Variants in SPMIP2 observed in about 807,000 individuals in gnomAD.
SPMIP2 encodes sperm microtubule inner protein 2.
chr4:158,919,372 A>C, the SPMIP2 span, among the ~76,000 whole-genome samples: 2 of 152,206 alleles, frequency 1.3e-5, no homozygotes, highest in Admixed American at 1.3e-4. Flanking sequence ...ACCGTTTCTC[A>C]GTCTTCCTTT....
At chr4:158,983,733 C>A in the SPMIP2 span, among the ~76,000 whole-genome samples, 1 of 70,184 alleles carries the variant, frequency 1.4e-5, no homozygotes. Context: ...GAAACTGCAT[C>A]AACTAACGAG....
chr4:158,941,131 A>G, the SPMIP2 span, among the ~76,000 whole-genome samples: 1 of 152,206 alleles, frequency 6.6e-6, no homozygotes, highest in Non-Finnish European at 1.5e-5. Flanking sequence ...AAAAATGCAA[A>G]TGCACACGTA....
the SPMIP2 span, among the ~76,000 whole-genome samples, chr4:158,924,302 T>C: frequency 6.6e-6 from 1 of 152,240 alleles, no homozygotes; most frequent in Non-Finnish European, 1.5e-5. Flanking sequence ...TTGAGTGTTT[T>C]TCATCATGAA....
the SPMIP2 span, chr4:158,906,821 C>T: frequency 1.1e-4 from 17 of 152,182 alleles, no homozygotes; most frequent in African/African-American, 4.1e-4. Context: ...AAAAAAACCT[C>T]ACAGAATTGT....
chr4:159,050,139 A>G, the SPMIP2 span, among the ~76,000 whole-genome samples: 1 of 152,074 alleles, frequency 6.6e-6, no homozygotes, highest in African/African-American at 2.4e-5. Context: ...CATTAATCAA[A>G]CCAGTCTTTA....
the SPMIP2 span, among the ~76,000 whole-genome samples, chr4:158,921,119 G>A: frequency 2.0e-5 from 3 of 148,538 alleles, no homozygotes; most frequent in Non-Finnish European, 3.0e-5. Flanking sequence ...GCTGTCTCGT[G>A]ACAGAGTTCT....
the SPMIP2 span, among the ~76,000 whole-genome samples, chr4:158,914,904 G>A: frequency 6.6e-6 from 1 of 152,242 alleles, no homozygotes; most frequent in East Asian, 1.9e-4. Context: ...CACAGGGGTC[G>A]CCATTCTCTC....
At chr4:159,051,061 C>T in the SPMIP2 span, among the ~76,000 whole-genome samples, 3 of 150,790 alleles carry the variant, frequency 2.0e-5, no homozygotes, top group Non-Finnish European at 4.4e-5. Context: ...GAGCCAAGAT[C>T]GCGCCACTGC....
chr4:159,026,338 G>A, the SPMIP2 span: 1 of 651,838 alleles, frequency 1.5e-6, no homozygotes, highest in Non-Finnish European at 2.9e-6. Flanking sequence ...AGAGAAGTTT[G>A]AAGAAACTAC....
chr4:159,029,544 A>T, the SPMIP2 span, among the ~76,000 whole-genome samples: 1 of 152,230 alleles, frequency 6.6e-6, no homozygotes. Flanking sequence ...ATAAATTCCA[A>T]GATCCATCTG....
At chr4:159,007,571 C>T in the SPMIP2 span, 8 of 1,100,624 alleles carry the variant, frequency 7.3e-6, no homozygotes, top group African/African-American at 4.7e-5. Flanking sequence ...GGGTGAATGC[C>T]GTCAAAAGCA....
the SPMIP2 span, among the ~76,000 whole-genome samples, chr4:158,980,437 A>C: frequency 6.6e-6 from 1 of 152,222 alleles, no homozygotes; most frequent in Admixed American, 6.5e-5. Flanking sequence ...GTGTTGACAG[A>C]CACCTTGTAG....
the SPMIP2 span, among the ~76,000 whole-genome samples, chr4:158,912,912 C>T: frequency 1.3e-5 from 2 of 152,146 alleles, no homozygotes; most frequent in South Asian, 2.1e-4. Flanking sequence ...TGGGTTAAAC[C>T]GACCTCAGGT....
the SPMIP2 span, among the ~76,000 whole-genome samples, chr4:159,014,816 T>TA: frequency 0.012 from 1,741 of 144,380 alleles, 25 homozygotes; most frequent in African/African-American, 0.04. Context: ...GCTGACGAGC[T>TA]AAAAAAAAAA....
chr4:158,915,317 ACT>A, the SPMIP2 span: 5 of 1,613,152 alleles, frequency 3.1e-6, no homozygotes, highest in Admixed American at 6.7e-5. Context: ...AAGAAGCGCG[ACT>A]CTGTTTTCCT....
the SPMIP2 span, among the ~76,000 whole-genome samples, chr4:158,950,777 T>C: frequency 1.4e-4 from 21 of 152,188 alleles, no homozygotes; most frequent in East Asian, 3.3e-3. Context: ...GTGTCTGTAA[T>C]CCCAGCTACT....
the SPMIP2 span, among the ~76,000 whole-genome samples, chr4:159,079,796 C>T: frequency 6.6e-6 from 1 of 151,952 alleles, no homozygotes; most frequent in African/African-American, 2.4e-5. Flanking sequence ...ATTGTTCTTT[C>T]CTGCTTTTAA....
the SPMIP2 span, among the ~76,000 whole-genome samples, chr4:158,947,299 T>A: frequency 2.0e-5 from 3 of 152,150 alleles, no homozygotes; most frequent in Non-Finnish European, 4.4e-5. Context: ...TATGTACCAA[T>A]ATGGTTTAAA....
At chr4:158,932,844 A>T in the SPMIP2 span, among the ~76,000 whole-genome samples, 1 of 152,190 alleles carries the variant, frequency 6.6e-6, no homozygotes. Flanking sequence ...GTTGGTTTTC[A>T]AGGCTGCCAT....
Sources: gnomAD v4.1 joint callset for allele counts (sites outside exome capture counted in the v4.1 genomes callset) on GRCh38, gnomAD v4.1.1 for gene constraint, MANE v1.5 for transcripts, NCBI Gene and HGNC (gene_info 2026-07-23, HGNC 2026-07-21) for gene names.